GREB1L: variants seen among roughly 807,000 people sequenced by gnomAD.
GREB1L encodes the protein GREB1 like retinoic acid receptor coactivator, also known as GREB1-like protein.
GREB1L carries 17 observed loss-of-function variants against 200.8 expected under a neutral mutation model. That is an observed-to-expected ratio of 0.08 (90% CI 0.06 to 0.13). GREB1L has a LOEUF of 0.13. Among genes scored for constraint, GREB1L ranks in the 10% least tolerant of loss-of-function variants. GREB1L has a pLI of 1.00. For missense variants in GREB1L, 1,657 were observed against 2,367.7 expected (o/e 0.70, Z 6.23); for synonymous variants, 789 against 893.0 (o/e 0.88, Z 2.08).
chr18:21,277,940 A>C (rs1193521530), intron 1 of GREB1L, among the ~76,000 whole-genome samples: 1 of 152,224 alleles, frequency 6.6e-6, no homozygotes. Flanking sequence ...GAAAGCAAGA[A>C]AGTGCCAAAA....
At chr18:21,348,127 A>G (rs2039379152) in intron 1 of GREB1L, among the ~76,000 whole-genome samples, 1 of 151,352 alleles carries the variant, frequency 6.6e-6, no homozygotes, top group Non-Finnish European at 1.5e-5. Context: ...TTGTATTTTT[A>G]TTAGAGACGG....
intron 23 of GREB1L, among the ~76,000 whole-genome samples, chr18:21,504,572 A>AC (rs2036935257): frequency 6.6e-6 from 1 of 152,194 alleles, no homozygotes; most frequent in Non-Finnish European, 1.5e-5. Context: ...ATGGTGGCTT[A>AC]CACCTGCGGT....
intron 1 of GREB1L, among the ~76,000 whole-genome samples, chr18:21,285,566 A>T (rs2038341997): frequency 1.3e-5 from 2 of 152,206 alleles, no homozygotes; most frequent in South Asian, 4.1e-4. Context: ...AGGTACAAAG[A>T]TCCCTGGGAA....
rs1380625799 is a variant in GREB1L, at chr18:21,518,087, C to G, written c.5325C>G (p.Asp1775Glu). The G allele has an allele frequency of 2.6e-5, 41 of 1,551,616 alleles. No individual in the cohort carries two copies. The highest frequency in any genetic ancestry group is 3.5e-5 in the Non-Finnish European group (40 of 1,146,908). The change falls in exon 31 of 33, where the codon GAC becomes GAG. Residue 1775 changes from aspartate (D) to glutamate (E), a missense_variant. Transcript: ENST00000424526. ...CCCTTCAATACATCTGTGCTCCCGA[C>G]AGTGAACACACACTACTGGCAGCCC... ...ILPLQYICAP[D>E]SEHTLLAAPA...
intron 30 of GREB1L, among the ~76,000 whole-genome samples, chr18:21,517,485 GCAC>G (rs2037461730): frequency 6.6e-6 from 1 of 151,978 alleles, no homozygotes; most frequent in Non-Finnish European, 1.5e-5. Context: ...CAGCCACCAC[GCAC>G]CACCACATTT....
intron 2 of GREB1L, among the ~76,000 whole-genome samples, chr18:21,376,280 G>A (rs1317207524): frequency 6.6e-6 from 1 of 151,576 alleles, no homozygotes; most frequent in East Asian, 2.0e-4. Flanking sequence ...CACCATGCCT[G>A]GCTATTTTTT....
intron 1 of GREB1L, among the ~76,000 whole-genome samples, chr18:21,244,133 G>C (rs1318149541): frequency 6.6e-6 from 1 of 152,148 alleles, no homozygotes; most frequent in African/African-American, 2.4e-5. Context: ...CAGTTAGAGG[G>C]CTAAAAATCT....
intron 1 of GREB1L, among the ~76,000 whole-genome samples, chr18:21,267,891 A>G (rs1367150980): frequency 6.6e-6 from 1 of 152,168 alleles, no homozygotes; most frequent in Admixed American, 6.5e-5. Context: ...TAGCTAAAAA[A>G]TTTAACATGG....
At chr18:21,438,979 AGAAAAG>A (rs1162620602) in intron 7 of GREB1L, among the ~76,000 whole-genome samples, 3 of 147,278 alleles carry the variant, frequency 2.0e-5, no homozygotes, top group African/African-American at 7.4e-5. Flanking sequence ...AAAAAAAAAA[AGAAAAG>A]AAAAGAAAAG....
At chr18:21,394,286 C>A (rs1174622146) in intron 4 of GREB1L, among the ~76,000 whole-genome samples, 2 of 152,240 alleles carry the variant, frequency 1.3e-5, no homozygotes, top group Non-Finnish European at 2.9e-5. Flanking sequence ...TGGAGTGTCA[C>A]AACTCCCTGG....
rs556405043 is a variant in GREB1L, at chr18:21,321,205, G to A, written c.-119-44822G>A. On this transcript the variant is annotated intron_variant, in intron 1 of 32. Transcript: ENST00000424526. The stretch of plus-strand genomic sequence containing the variant: ...GCTACTCAGGAGGCCTGAGGCAGGA[G>A]AATCGCTTGAACCCGGGAGGTGGAG... Among the ~76,000 whole-genome samples the A allele has an allele frequency of 3.3e-5, 5 of 152,148 alleles. 1 individual carries two copies. The South Asian group carries it at 1.0e-3, about 32-fold the overall frequency.
chr18:21,367,459 G>T (rs1009865427), intron 2 of GREB1L, among the ~76,000 whole-genome samples: 1 of 152,150 alleles, frequency 6.6e-6, no homozygotes, highest in African/African-American at 2.4e-5. Flanking sequence ...AAGCGGTAGC[G>T]GGTGGGGAGT....
At chr18:21,389,471 C>T (rs2040703299) in intron 4 of GREB1L, among the ~76,000 whole-genome samples, 1 of 149,602 alleles carries the variant, frequency 6.7e-6, no homozygotes, top group Admixed American at 6.8e-5. Context: ...ATAATTATTG[C>T]TTTTCTCCTC....
At chr18:21,421,027 T>TA (rs1374635332) in intron 7 of GREB1L, among the ~76,000 whole-genome samples, 1 of 152,134 alleles carries the variant, frequency 6.6e-6, no homozygotes, top group Non-Finnish European at 1.5e-5. Context: ...AAAAAAGGGA[T>TA]ACTGTACAAT....
In GREB1L at chr18:21,516,667, C is replaced by T. The variant is rs537793633; in HGVS notation, c.5184C>T (p.Leu1728=). The change falls in exon 30 of 33, where the codon CTC becomes CTT. Residue 1728 remains leucine, a synonymous_variant. Coordinates refer to ENST00000424526, the MANE Select transcript of GREB1L (RefSeq NM_001142966.3). ...TGAGAACAAACAGTAGTGGCCTGCT[C>T]ATCTGCCGCTTTAATAACTTCAGTC... is the stretch of plus-strand genomic sequence containing the variant. ...FNLRTNSSGL[L]ICRFNNFSLM... is the part of the protein sequence containing the mutation. The T allele has an allele frequency of 3.2e-5, 49 of 1,551,328 alleles. 2 individuals are homozygous for T. The South Asian group carries it at 5.0e-4, about 16-fold the overall frequency.
intron 25 of GREB1L, among the ~76,000 whole-genome samples, chr18:21,507,276 T>A (rs1033308331): frequency 6.6e-6 from 1 of 152,234 alleles, no homozygotes; most frequent in African/African-American, 2.4e-5. Context: ...ATTCATAAAG[T>A]TTCTGTGTGA....
intron 3 of GREB1L, 89 bp from the exon 4 acceptor site, chr18:21,384,117 C>G: frequency 1.1e-6 from 1 of 942,896 alleles, no homozygotes; most frequent in Non-Finnish European, 1.6e-6. Context: ...AATGCTAGAC[C>G]TTTTTTCTTC....
chr18:21,441,962 T>C (rs557576425), intron 10 of GREB1L, among the ~76,000 whole-genome samples: 13 of 152,166 alleles, frequency 8.5e-5, no homozygotes, highest in African/African-American at 3.1e-4. Context: ...GTCCTGAAGG[T>C]TGGTCAAAGT....
intron 5 of GREB1L, among the ~76,000 whole-genome samples, chr18:21,395,964 G>A (rs752684158): frequency 9.2e-5 from 14 of 151,584 alleles, no homozygotes; most frequent in African/African-American, 1.7e-4. Context: ...CCCTGACCTC[G>A]TGATCTGCCC....
Sources: gnomAD v4.1 joint callset for allele counts (sites outside exome capture counted in the v4.1 genomes callset) on GRCh38, gnomAD v4.1.1 for gene constraint, MANE v1.5 for transcripts, NCBI Gene and HGNC (gene_info 2026-07-23, HGNC 2026-07-21) for gene names.